The following ANO4 variants were observed in gnomAD, a reference collection of about 807,000 sequenced individuals.
ANO4 encodes the protein anoctamin 4, also known as anoctamin-4.
A neutral mutation model predicts 141.9 loss-of-function variants in ANO4; 69 were observed. That is an observed-to-expected ratio of 0.49 (90% CI 0.40 to 0.59). ANO4 has a LOEUF of 0.59. ANO4 is among the 20% of genes least tolerant of loss of function. ANO4 has a pLI of 0.00. For missense variants in ANO4, 894 were observed against 1,162.2 expected, an observed-to-expected ratio of 0.77 and a Z score of 3.36; for synonymous variants, 350 against 394.3, an observed-to-expected ratio of 0.89 and a Z score of 1.33.
At chr12:100,918,813 A>T (rs1250560022) in intron 2 of ANO4, among the ~76,000 whole-genome samples, 2 of 152,186 alleles carry the variant, frequency 1.3e-5, no homozygotes, top group Non-Finnish European at 2.9e-5. Context: ...TGATTAAAAA[A>T]AAAAGTTAAC....
intron 4 of ANO4, among the ~76,000 whole-genome samples, chr12:100,941,169 G>A (rs1234498223): frequency 6.6e-6 from 1 of 150,424 alleles, no homozygotes; most frequent in Non-Finnish European, 1.5e-5. Flanking sequence ...GTATATGTAT[G>A]TTTACATATA....
intron 1 of ANO4, among the ~76,000 whole-genome samples, chr12:100,825,639 G>C (rs2036292508): frequency 6.6e-6 from 1 of 152,018 alleles, no homozygotes. Context: ...TCTGGACCAA[G>C]TTAGACCTTG....
At chr12:100,825,035 T>C (rs2036256692) in intron 1 of ANO4, among the ~76,000 whole-genome samples, 1 of 152,034 alleles carries the variant, frequency 6.6e-6, no homozygotes, top group Non-Finnish European at 1.5e-5. Context: ...AATGGTGTGT[T>C]TTCTCCTGTT....
At chr12:101,121,793 CT>C (rs1413715828) in intron 26 of ANO4, among the ~76,000 whole-genome samples, 2 of 132,376 alleles carry the variant, frequency 1.5e-5, no homozygotes, top group African/African-American at 6.0e-5. Flanking sequence ...GACTGATTCT[CT>C]CTCTGTCGCC....
chr12:100,849,447 C>T (rs1262649059), intron 1 of ANO4, among the ~76,000 whole-genome samples: 2 of 152,162 alleles, frequency 1.3e-5, no homozygotes, highest in African/African-American at 2.4e-5. Flanking sequence ...AGGCAGTCAA[C>T]GTTTTAGTTT....
chr12:100,845,129 G>A (rs1593498065), intron 1 of ANO4, among the ~76,000 whole-genome samples: 5 of 152,268 alleles, frequency 3.3e-5, no homozygotes, highest in African/African-American at 2.4e-5. Context: ...TCATTGTGCT[G>A]TAAGCAAAAG....
At chr12:100,909,628 CAT>C (rs1371847992) in intron 2 of ANO4, among the ~76,000 whole-genome samples, 5 of 152,128 alleles carry the variant, frequency 3.3e-5, no homozygotes, top group African/African-American at 1.2e-4. Flanking sequence ...ACTCAAAACA[CAT>C]ATGGTCTACC....
chr12:100,971,326 C>T lies in ANO4; in HGVS notation c.477C>T (p.Asp159=), dbSNP rs774602737. 13 of 1,610,072 alleles carry T rather than the reference C, an allele frequency of 8.1e-6. No homozygotes were observed. In the African/African-American group the frequency reaches 1.2e-4, roughly 15 times the overall value. ...TTCAGTCCTCTCTAATAAATAGTGACATTATCTTTGTGAAGTTGCATGCCC... is the reference window on the plus strand; with the variant it reads ...TTCAGTCCTCTCTAATAAATAGTGATATTATCTTTGTGAAGTTGCATGCCC... ...MEKESSLINS[D]IIFVKLHAPW... The change falls in exon 6 of 28, where the codon GAC becomes GAT. Residue 159 remains aspartate, a synonymous_variant. Coordinates refer to ENST00000392977, the MANE Select transcript of ANO4 (RefSeq NM_001286615.2).
chr12:101,058,371 T>G (rs2048213857), intron 14 of ANO4, among the ~76,000 whole-genome samples: 1 of 152,202 alleles, frequency 6.6e-6, no homozygotes, highest in Non-Finnish European at 1.5e-5. Context: ...ATATGAAATT[T>G]AAAGTAGTGT....
intron 8 of ANO4, among the ~76,000 whole-genome samples, chr12:100,995,323 A>T (rs924347713): frequency 2.6e-5 from 4 of 152,160 alleles, no homozygotes; most frequent in African/African-American, 9.7e-5. Context: ...AGAAGCTCTG[A>T]TTGTGTTTGG....
At chr12:100,971,436 C>A in intron 6 of ANO4, 30 bp downstream of exon 6, 1 of 1,434,690 alleles carries the variant, frequency 7.0e-7, no homozygotes, top group South Asian at 1.2e-5. Flanking sequence ...ATTCCACTCT[C>A]TCTGCTGCTT....
At chr12:100,844,781 C>T (rs868225543) in intron 1 of ANO4, among the ~76,000 whole-genome samples, 2 of 145,426 alleles carry the variant, frequency 1.4e-5, no homozygotes, top group East Asian at 4.0e-4. Flanking sequence ...AATAGTCAGC[C>T]GGAGGGATAG....
intron 8 of ANO4, among the ~76,000 whole-genome samples, chr12:101,003,118 T>C (rs187901774): frequency 6.6e-6 from 1 of 152,356 alleles, no homozygotes; most frequent in East Asian, 1.9e-4. Context: ...TACAGGATTA[T>C]CATTGTTAGG....
At chr12:100,890,394 G>A (rs956505584) in intron 1 of ANO4, among the ~76,000 whole-genome samples, 3 of 152,094 alleles carry the variant, frequency 2.0e-5, no homozygotes, top group African/African-American at 7.2e-5. Flanking sequence ...TCATTTTCTT[G>A]AGATAACTTC....
chr12:101,035,290 A>G (rs1165494807), intron 9 of ANO4, among the ~76,000 whole-genome samples: 1 of 152,238 alleles, frequency 6.6e-6, no homozygotes, highest in African/African-American at 2.4e-5. Context: ...AGTAAATGTT[A>G]TATGATTCCA....
Position 100,922,345 on chromosome 12 carries a change from A to G in ANO4, c.160+15A>G. 6.6e-7 allele frequency: 1 copy of G among 1,504,026 alleles called. No individual in the cohort carries two copies. Among genetic ancestry groups the G allele is most frequent in the Non-Finnish European group, 8.8e-7 (1 of 1,130,430 alleles). The allele number at this position is 1,504,026 out of a possible 1,614,324, so 93.2% of individuals were successfully genotyped here. On this transcript the variant is annotated intron_variant, in intron 3 of 27. Coordinates refer to ENST00000392977, the MANE Select transcript of ANO4 (RefSeq NM_001286615.2). The stretch of plus-strand genomic sequence containing the variant: ...AATACAAGAAAGTAAGTTTCACTCA[A>G]ATTTTAAATTCGCCGTGAGAGAAGA...
chr12:100,953,784 A>G (rs1489511001), intron 5 of ANO4, among the ~76,000 whole-genome samples: 1 of 152,198 alleles, frequency 6.6e-6, no homozygotes, highest in African/African-American at 2.4e-5. Flanking sequence ...TCTCTAAAGC[A>G]TTGCAGAATT....
At chr12:100,738,888 A>G (rs2031727422) in intron 2 of ANO4, among the ~76,000 whole-genome samples, 1 of 151,664 alleles carries the variant, frequency 6.6e-6, no homozygotes, top group African/African-American at 2.4e-5. Context: ...CTCATGCTGT[A>G]TATTAAATCT....
rs1176006771 is a variant in ANO4, at chr12:100,937,739, C to G, written c.161-1576C>G. 2.0e-5 allele frequency among the ~76,000 whole-genome samples: 3 copies of G among 152,316 alleles called. No homozygotes were observed. In the East Asian group the frequency reaches 5.8e-4, roughly 29 times the overall value. Reference sequence around the variant, plus strand: ...AGTCCCAAAATCAAGACTCTCCTCTCTGGAGGCTCCAGGGGAGAATCTGCT... The same window carrying G: ...AGTCCCAAAATCAAGACTCTCCTCTGTGGAGGCTCCAGGGGAGAATCTGCT... On this transcript the variant is annotated intron_variant, in intron 3 of 27. Transcript: ENST00000392977.
Sources: gnomAD v4.1 joint callset for allele counts (sites outside exome capture counted in the v4.1 genomes callset) on GRCh38, gnomAD v4.1.1 for gene constraint, MANE v1.5 for transcripts, NCBI Gene and HGNC (gene_info 2026-07-23, HGNC 2026-07-21) for gene names.